Variants in FGGY observed in about 807,000 individuals in gnomAD.
The protein encoded by FGGY is FGGY carbohydrate kinase domain containing.
Under a neutral mutation model 71.3 loss-of-function variants are expected in FGGY, and 72 were observed. The ratio of observed to expected loss-of-function variants is 1.01; its 90% CI spans 0.84 to 1.23. The LOEUF (loss-of-function observed/expected upper bound fraction) is 1.23. Among genes scored for constraint, FGGY ranks in the 50% most tolerant of loss-of-function variants. The pLI is 0.00. For missense variants in FGGY, 668 were observed against 682.3 expected, an observed-to-expected ratio of 0.98 and a Z score of 0.23; for synonymous variants, 251 against 250.3, an observed-to-expected ratio of 1.00 and a Z score of -0.02.
At chr1:59,410,449 A>G (rs1355608195) in intron 5 of FGGY, among the ~76,000 whole-genome samples, 4 of 152,142 alleles carry the variant, frequency 2.6e-5, no homozygotes, top group African/African-American at 9.7e-5. Context: ...GAGGATTTGA[A>G]CCTAAGACCT....
chr1:59,346,947 C>CTTTTTTTTTTTTTTTTTTTTT (rs71580898), intron 4 of FGGY, among the ~76,000 whole-genome samples: 1 of 112,190 alleles, frequency 8.9e-6, no homozygotes, highest in Non-Finnish European at 1.9e-5. Context: ...AAAATCAATT[C>CTTTTTTTTTTTTTTTTTTTTT]TTTTTTTTTT....
chr1:59,753,598 A>G (rs2098265800), intron 14 of FGGY, among the ~76,000 whole-genome samples: 1 of 147,806 alleles, frequency 6.8e-6, no homozygotes, highest in African/African-American at 2.5e-5. Flanking sequence ...ACTTGACAAG[A>G]AAAAAAAATT....
chr1:59,332,077 A>C (rs992454001), intron 2 of FGGY: 1 of 152,202 alleles, frequency 6.6e-6, no homozygotes, highest in African/African-American at 2.4e-5. Flanking sequence ...GGTTTCTAAG[A>C]AACACCATCT....
chr1:59,655,811 G>T (rs575091969), intron 11 of FGGY, among the ~76,000 whole-genome samples: 18 of 152,122 alleles, frequency 1.2e-4, no homozygotes, highest in Non-Finnish European at 1.5e-4. Flanking sequence ...ATAATTTGAG[G>T]TATTATCCCT....
chr1:59,761,807 C>T (rs1300418526), intron 15 of FGGY, among the ~76,000 whole-genome samples: 2 of 152,184 alleles, frequency 1.3e-5, no homozygotes, highest in Non-Finnish European at 1.5e-5. Flanking sequence ...ACAAGGGAAA[C>T]CTAGATGTGG....
intron 5 of FGGY, among the ~76,000 whole-genome samples, chr1:59,451,404 C>A (rs2072688656): frequency 6.7e-6 from 1 of 150,174 alleles, no homozygotes; most frequent in Admixed American, 6.6e-5. Context: ...GAACAGCAAG[C>A]CTATTGTATT....
intron 14 of FGGY, among the ~76,000 whole-genome samples, chr1:59,748,904 T>G (rs2098222485): frequency 6.6e-6 from 1 of 152,136 alleles, no homozygotes; most frequent in Non-Finnish European, 1.5e-5. Flanking sequence ...CAAGGCATGA[T>G]TAGAGGGTTG....
chr1:59,400,371 T>G (rs538298280), intron 5 of FGGY, among the ~76,000 whole-genome samples: 1 of 152,332 alleles, frequency 6.6e-6, no homozygotes, highest in South Asian at 2.1e-4. Context: ...GTGACTTACG[T>G]CATAAATATG....
At chr1:59,695,136 G>C (rs2097646161) in intron 14 of FGGY, among the ~76,000 whole-genome samples, 1 of 152,172 alleles carries the variant, frequency 6.6e-6, no homozygotes, top group African/African-American at 2.4e-5. Flanking sequence ...TCTATATGTG[G>C]CAGTGACTAT....
intron 7 of FGGY, among the ~76,000 whole-genome samples, chr1:59,541,057 CTGTT>C (rs538699249): frequency 7.6e-4 from 115 of 151,510 alleles, no homozygotes; most frequent in Middle Eastern, 3.4e-3. Context: ...TTTTATTTGT[CTGTT>C]TGTTTGTTTG....
chr1:59,481,569 T>C (rs1389558085), intron 6 of FGGY, among the ~76,000 whole-genome samples: 1 of 152,168 alleles, frequency 6.6e-6, no homozygotes, highest in African/African-American at 2.4e-5. Flanking sequence ...CCAAGAAATC[T>C]GTTTTGTAAA....
intron 14 of FGGY, among the ~76,000 whole-genome samples, chr1:59,704,249 C>T (rs1273179506): frequency 6.6e-6 from 1 of 152,092 alleles, no homozygotes; most frequent in Non-Finnish European, 1.5e-5. Flanking sequence ...TTTCTCAATC[C>T]TGGGAGAACA....
chr1:59,310,401 C>T (rs910558536), intron 1 of FGGY, among the ~76,000 whole-genome samples: 4 of 152,146 alleles, frequency 2.6e-5, no homozygotes, highest in African/African-American at 9.7e-5. Context: ...AAAGAGAGGT[C>T]AGGAATTCAC....
intron 7 of FGGY, among the ~76,000 whole-genome samples, chr1:59,533,192 C>T (rs186922536): frequency 1.3e-4 from 20 of 152,302 alleles, no homozygotes; most frequent in African/African-American, 3.6e-4. Context: ...TTGCCTCACT[C>T]GGGAAGTGCA....
chr1:59,647,969 A>G (rs1420016263), intron 11 of FGGY, among the ~76,000 whole-genome samples: 4 of 87,786 alleles, frequency 4.6e-5, no homozygotes, highest in African/African-American at 1.4e-4. Context: ...TCATTGTTCA[A>G]TTCCCACCTA....
intron 14 of FGGY, among the ~76,000 whole-genome samples, chr1:59,705,976 G>A (rs1256760657): frequency 6.6e-6 from 1 of 152,172 alleles, no homozygotes; most frequent in African/African-American, 2.4e-5. Flanking sequence ...ATCTCAGTGG[G>A]CCTAAAGGAA....
At chr1:59,674,329 G>T (rs1368627092) in intron 14 of FGGY, among the ~76,000 whole-genome samples, 196 bp downstream of exon 14, 1 of 152,150 alleles carries the variant, frequency 6.6e-6, no homozygotes, top group East Asian at 1.9e-4. Context: ...CTCGGTTCGT[G>T]TTGGTCGTTC....
chr1:59,402,181 A>G (rs963344850), intron 5 of FGGY, among the ~76,000 whole-genome samples: 1 of 152,230 alleles, frequency 6.6e-6, no homozygotes, highest in African/African-American at 2.4e-5. Context: ...ACATGAAAGA[A>G]GATGTGAACA....
intron 7 of FGGY, among the ~76,000 whole-genome samples, chr1:59,548,697 T>C (rs1341146714): frequency 6.6e-6 from 1 of 152,220 alleles, no homozygotes; most frequent in Non-Finnish European, 1.5e-5. Flanking sequence ...TTAATTAGGA[T>C]AGAATAAAAA....
Sources: allele counts gnomAD v4.1 joint callset (sites outside exome capture counted in the v4.1 genomes callset), GRCh38; gene constraint gnomAD v4.1.1; transcripts MANE v1.5; gene names NCBI Gene and HGNC (gene_info 2026-07-23, HGNC 2026-07-21).